The following SGCZ variants were observed in gnomAD, a reference collection of about 807,000 sequenced individuals.
The protein encoded by SGCZ is sarcoglycan zeta.
In SGCZ, 40 loss-of-function variants were observed where a neutral mutation model predicts 41.3. The observed-to-expected ratio is 0.97, with a 90% CI of 0.75 to 1.26. The LOEUF (loss-of-function observed/expected upper bound fraction) is 1.26. SGCZ is among the 50% of genes most tolerant of loss of function. SGCZ has a pLI of 0.00. For missense variants in SGCZ, 552 were observed against 369.8 expected (o/e 1.49, Z -4.04); for synonymous variants, 206 against 137.5 (o/e 1.50, Z -3.49).
intron 6 of SGCZ, among the ~76,000 whole-genome samples, chr8:14,107,380 C>A (rs1044049031): frequency 6.6e-6 from 1 of 152,060 alleles, no homozygotes; most frequent in Admixed American, 6.6e-5. Flanking sequence ...AGAGCTTTTA[C>A]ATATAAATGC....
chr8:14,328,850 T>C (rs775829963), intron 2 of SGCZ, among the ~76,000 whole-genome samples: 3 of 152,146 alleles, frequency 2.0e-5, no homozygotes, highest in Non-Finnish European at 4.4e-5. Flanking sequence ...AAGGCCCTTA[T>C]AAAAGAGGTA....
chr8:15,222,132 G>T (rs923629703), intron 1 of SGCZ, among the ~76,000 whole-genome samples: 2 of 152,146 alleles, frequency 1.3e-5, no homozygotes, highest in Admixed American at 6.5e-5. Flanking sequence ...AGAGGGCTTT[G>T]TAAAAATTAT....
At chr8:14,484,836 A>C (rs2117013061) in intron 2 of SGCZ, among the ~76,000 whole-genome samples, 1 of 152,336 alleles carries the variant, frequency 6.6e-6, no homozygotes, top group African/African-American at 2.4e-5. Context: ...GCTCTAAGTT[A>C]AATGCATTTC....
chr8:14,219,695 C>G (rs1359867139), intron 4 of SGCZ, among the ~76,000 whole-genome samples: 1 of 151,838 alleles, frequency 6.6e-6, no homozygotes, highest in Non-Finnish European at 1.5e-5. Context: ...TGCAGTGAGC[C>G]GAGATCGCAC....
chr8:14,581,675 T>G (rs1461394207), intron 1 of SGCZ, among the ~76,000 whole-genome samples: 1 of 152,162 alleles, frequency 6.6e-6, no homozygotes, highest in Non-Finnish European at 1.5e-5. Flanking sequence ...ACTATTCTTC[T>G]CTAAGAACAA....
At chr8:15,141,865 C>T (rs1214491012) in intron 1 of SGCZ, among the ~76,000 whole-genome samples, 2 of 150,908 alleles carry the variant, frequency 1.3e-5, no homozygotes, top group Non-Finnish European at 2.9e-5. Context: ...CACGCCACTG[C>T]ACTCCAGCAT....
At chr8:14,442,961 G>C (rs1463624323) in intron 2 of SGCZ, among the ~76,000 whole-genome samples, 1 of 152,104 alleles carries the variant, frequency 6.6e-6, no homozygotes, top group African/African-American at 2.4e-5. Flanking sequence ...CTTCAGCAAA[G>C]TCTCAGGATA....
chr8:14,522,769 AG>A (rs1222436808), intron 2 of SGCZ, among the ~76,000 whole-genome samples: 1 of 151,540 alleles, frequency 6.6e-6, no homozygotes, highest in Non-Finnish European at 1.5e-5. Context: ...CTGCTTCTGT[AG>A]GCTTATTTTC....
intron 1 of SGCZ, among the ~76,000 whole-genome samples, chr8:15,155,652 T>C (rs1229390242): frequency 6.6e-6 from 1 of 152,162 alleles, no homozygotes; most frequent in East Asian, 1.9e-4. Flanking sequence ...AAAAATGACA[T>C]GAAGAACGCC....
chr8:14,348,312 C>A (rs1355413662), intron 2 of SGCZ, among the ~76,000 whole-genome samples: 2 of 152,234 alleles, frequency 1.3e-5, no homozygotes, highest in East Asian at 3.9e-4. Flanking sequence ...CCAGACATCT[C>A]CCCAAGTGCT....
intron 1 of SGCZ, among the ~76,000 whole-genome samples, chr8:14,837,399 G>T (rs994995226): frequency 1.3e-5 from 2 of 152,182 alleles, no homozygotes; most frequent in African/African-American, 4.8e-5. Flanking sequence ...ATAATTAAAC[G>T]AACGATGTGT....
At chr8:14,789,136 G>C (rs1001028396) in intron 1 of SGCZ, among the ~76,000 whole-genome samples, 4 of 152,004 alleles carry the variant, frequency 2.6e-5, no homozygotes, top group Non-Finnish European at 5.9e-5. Flanking sequence ...TCACACTCCT[G>C]TTGTGTTTAC....
intron 1 of SGCZ, among the ~76,000 whole-genome samples, chr8:14,761,814 T>C (rs1458973478): frequency 1.3e-5 from 2 of 152,064 alleles, no homozygotes; most frequent in Non-Finnish European, 2.9e-5. Context: ...TGTGAAGGTG[T>C]GAGCCATCAC....
chr8:14,583,572 T>C (rs1804965273), intron 1 of SGCZ, among the ~76,000 whole-genome samples: 1 of 152,132 alleles, frequency 6.6e-6, no homozygotes, highest in Non-Finnish European at 1.5e-5. Flanking sequence ...AGACATGAAG[T>C]CCTTGCCCAT....
At chr8:14,907,643 T>A (rs1271698398) in intron 1 of SGCZ, among the ~76,000 whole-genome samples, 1 of 152,002 alleles carries the variant, frequency 6.6e-6, no homozygotes, top group African/African-American at 2.4e-5. Context: ...GAAGTTCAAG[T>A]CCAATCTGGG....
In SGCZ at chr8:14,650,862, C is replaced by T. The variant is rs1316228341; in HGVS notation, c.40-95936G>A. Among the ~76,000 whole-genome samples the T allele has an allele frequency of 2.0e-5, 3 of 151,836 alleles. No individual in the cohort carries two copies. The East Asian group carries it at 5.8e-4, about 29-fold the overall frequency. On this transcript the variant is annotated intron_variant, in intron 1 of 7. Coordinates refer to ENST00000382080, the MANE Select transcript of SGCZ (RefSeq NM_139167.4). The stretch of plus-strand genomic sequence containing the variant: ...AATAGAGGGGAGTGATATGTTATAC[C>T]TATATGAATGATAAAATTTTACTAT...
At chr8:14,380,259 C>G (rs543135409) in intron 2 of SGCZ, among the ~76,000 whole-genome samples, 2 of 152,256 alleles carry the variant, frequency 1.3e-5, no homozygotes, top group Non-Finnish European at 2.9e-5. Flanking sequence ...CAGACACTGT[C>G]ACATCCATTG....
chr8:14,965,722 C>G (rs1349424645), intron 1 of SGCZ, among the ~76,000 whole-genome samples: 3 of 152,156 alleles, frequency 2.0e-5, no homozygotes, highest in Admixed American at 1.3e-4. Flanking sequence ...CAATAATTTT[C>G]AAATCTGTAT....
intron 7 of SGCZ, among the ~76,000 whole-genome samples, chr8:14,101,923 C>T (rs867212111): frequency 4.1e-4 from 62 of 151,810 alleles, no homozygotes; most frequent in African/African-American, 1.4e-3. Context: ...GACGGAGTCT[C>T]GCTCTGTCGC....
Sources: allele counts gnomAD v4.1 joint callset (sites outside exome capture counted in the v4.1 genomes callset), GRCh38; gene constraint gnomAD v4.1.1; transcripts MANE v1.5; gene names NCBI Gene and HGNC (gene_info 2026-07-23, HGNC 2026-07-21).